Variants in TAFA1 observed in about 807,000 individuals in gnomAD.
The protein encoded by TAFA1 is chemokine-like protein TAFA-1.
In TAFA1, 4 loss-of-function variants were observed where a neutral mutation model predicts 18.5. That is an observed-to-expected ratio of 0.22 (90% confidence interval 0.11 to 0.49). TAFA1 has a LOEUF of 0.49. TAFA1 is among the 20% of genes least tolerant of loss of function. The pLI, the probability that TAFA1 is intolerant of heterozygous loss-of-function variation, is 0.98. For missense variants in TAFA1, 147 were observed against 169.0 expected, an observed-to-expected ratio of 0.87 and a Z score of 0.72; for synonymous variants, 56 against 55.2, an observed-to-expected ratio of 1.01 and a Z score of -0.06.
intron 3 of TAFA1, among the ~76,000 whole-genome samples, chr3:68,496,203 C>T (rs985004044): frequency 3.0e-4 from 45 of 152,022 alleles, no homozygotes; most frequent in African/African-American, 1.1e-3. Context: ...AGGAAAACAG[C>T]CAGGATATTG....
intron 2 of TAFA1, among the ~76,000 whole-genome samples, chr3:68,287,921 G>GC (rs2068042624): frequency 2.1e-5 from 2 of 95,232 alleles, no homozygotes; most frequent in Non-Finnish European, 4.6e-5. Context: ...GGGTGGGGGG[G>GC]CTTTTTGAAA....
intron 2 of TAFA1, among the ~76,000 whole-genome samples, chr3:68,361,283 T>A (rs960884050): frequency 6.6e-6 from 1 of 151,876 alleles, no homozygotes; most frequent in Admixed American, 6.6e-5. Context: ...AGGTAGGAGC[T>A]AAAAAAATTG....
chr3:68,446,468 A>G lies in TAFA1; in HGVS notation c.259+29048A>G, dbSNP rs1356806406. ...CTGAGCCTCACATAAATTCCCTTCAATACCTTGAGTTAGATATTAGCAGGA... is the reference window on the plus strand; with the variant it reads ...CTGAGCCTCACATAAATTCCCTTCAGTACCTTGAGTTAGATATTAGCAGGA... On this transcript the variant is annotated intron_variant, in intron 3 of 4. Coordinates refer to ENST00000478136, the MANE Select transcript of TAFA1 (RefSeq NM_213609.4). 2.6e-5 allele frequency among the ~76,000 whole-genome samples: 4 copies of G among 152,134 alleles called. No individual in the cohort carries two copies. The East Asian group carries it at 7.7e-4, about 29-fold the overall frequency.
At chr3:68,325,473 G>A (rs1050237785) in intron 2 of TAFA1, among the ~76,000 whole-genome samples, 18 of 152,132 alleles carry the variant, frequency 1.2e-4, no homozygotes, top group African/African-American at 4.1e-4. Flanking sequence ...TTAGAGTAGA[G>A]CCTGGCATGA....
intron 2 of TAFA1, among the ~76,000 whole-genome samples, chr3:68,377,376 C>T (rs2069839087): frequency 6.6e-6 from 1 of 152,162 alleles, no homozygotes. Context: ...AGCTGAGGAA[C>T]TTATCTGGCA....
chr3:68,380,745 T>A (rs934270271), intron 2 of TAFA1, among the ~76,000 whole-genome samples: 19 of 152,194 alleles, frequency 1.2e-4, no homozygotes, highest in African/African-American at 4.3e-4. Context: ...CAGTAGTTTC[T>A]TTTGCTGTGC....
chr3:68,508,550 A>G (rs553436543), intron 3 of TAFA1, among the ~76,000 whole-genome samples: 3 of 152,198 alleles, frequency 2.0e-5, no homozygotes, highest in East Asian at 1.9e-4. Flanking sequence ...ACAACTCATG[A>G]AGTAACCATT....
intron 2 of TAFA1, among the ~76,000 whole-genome samples, chr3:68,275,502 CTTT>C (rs199541727): frequency 7.1e-6 from 1 of 141,154 alleles, no homozygotes. Context: ...GATTAGGGGA[CTTT>C]TTTTTTTTTT....
intron 2 of TAFA1, among the ~76,000 whole-genome samples, chr3:68,085,500 G>T (rs139145797): frequency 6.0e-4 from 91 of 152,294 alleles, no homozygotes; most frequent in African/African-American, 2.0e-3. Flanking sequence ...GATTCTCCTG[G>T]AGGTTAAATG....
intron 2 of TAFA1, among the ~76,000 whole-genome samples, chr3:68,068,557 T>C (rs2064712376): frequency 6.6e-6 from 1 of 152,230 alleles, no homozygotes; most frequent in African/African-American, 2.4e-5. Flanking sequence ...GGAATAGAAC[T>C]GCTAAAATAA....
At chr3:68,336,525 G>A (rs1247766705) in intron 2 of TAFA1, among the ~76,000 whole-genome samples, 1 of 152,198 alleles carries the variant, frequency 6.6e-6, no homozygotes, top group Non-Finnish European at 1.5e-5. Context: ...TTGGCCAAGA[G>A]CCAAAGTTTG....
chr3:68,017,488 C>A (rs1704594576), intron 2 of TAFA1, among the ~76,000 whole-genome samples: 1 of 152,194 alleles, frequency 6.6e-6, no homozygotes, highest in African/African-American at 2.4e-5. Flanking sequence ...TTTCTCCAGG[C>A]ACTCCCTGTC....
chr3:68,484,391 C>A (rs979607449), intron 3 of TAFA1, among the ~76,000 whole-genome samples: 1 of 151,890 alleles, frequency 6.6e-6, no homozygotes, highest in African/African-American at 2.4e-5. Flanking sequence ...GCTATTGCAG[C>A]GGTCTAGGTG....
intron 3 of TAFA1, among the ~76,000 whole-genome samples, chr3:68,487,906 G>A (rs1575914949): frequency 6.6e-6 from 1 of 151,690 alleles, no homozygotes; most frequent in East Asian, 1.9e-4. Context: ...TTATTGGCAT[G>A]TATTGGAGGG....
At chr3:68,435,454 G>C (rs922150696) in intron 3 of TAFA1, among the ~76,000 whole-genome samples, 8 of 152,138 alleles carry the variant, frequency 5.3e-5, no homozygotes, top group African/African-American at 1.9e-4. Context: ...GTTATGGTTA[G>C]ATCTGTGTTT....
chr3:68,481,575 G>C (rs539918874), intron 3 of TAFA1, among the ~76,000 whole-genome samples: 1 of 152,226 alleles, frequency 6.6e-6, no homozygotes. Flanking sequence ...ACTTCTCCTT[G>C]AACAGCTTGC....
At chr3:68,003,374 T>C (rs966450553), upstream of TAFA1, among the ~76,000 whole-genome samples, 18 of 152,224 alleles carry the variant, frequency 1.2e-4, no homozygotes, top group African/African-American at 4.1e-4. Flanking sequence ...TTATGAGAAC[T>C]ACCTTGATTT....
chr3:68,404,235 A>G (rs2070551823), intron 2 of TAFA1, among the ~76,000 whole-genome samples: 1 of 152,174 alleles, frequency 6.6e-6, no homozygotes, highest in African/African-American at 2.4e-5. Context: ...CCAAAATTCA[A>G]TCTCAAACAC....
At chr3:68,053,554 A>G (rs368298844) in intron 2 of TAFA1, among the ~76,000 whole-genome samples, 321 of 152,154 alleles carry the variant, frequency 2.1e-3, no homozygotes, top group African/African-American at 7.4e-3. Flanking sequence ...TATGCATGCT[A>G]TGGAATCTGC....
Sources: gnomAD v4.1 joint callset for allele counts (sites outside exome capture counted in the v4.1 genomes callset) on GRCh38, gnomAD v4.1.1 for gene constraint, MANE v1.5 for transcripts, NCBI Gene and HGNC (gene_info 2026-07-23, HGNC 2026-07-21) for gene names.